Variants in MAP7 observed in about 807,000 individuals in gnomAD.
MAP7 encodes microtubule associated protein 7.
In MAP7, 52 loss-of-function variants were observed where a neutral mutation model predicts 94.8. The ratio of observed to expected loss-of-function variants is 0.55; its 90% CI spans 0.44 to 0.69. The LOEUF (loss-of-function observed/expected upper bound fraction) is 0.69. Among genes scored for constraint, MAP7 ranks in the 30% least tolerant of loss-of-function variants. The pLI is 0.00. For missense variants in MAP7, 940 were observed against 964.6 expected (o/e 0.97, Z 0.34); for synonymous variants, 350 against 357.0 (o/e 0.98, Z 0.22).
intron 1 of MAP7, among the ~76,000 whole-genome samples, chr6:136,430,113 G>A (rs930860776): frequency 6.6e-6 from 1 of 152,200 alleles, no homozygotes; most frequent in Non-Finnish European, 1.5e-5. Context: ...GCTGGAAACG[G>A]AGTTTATCAA....
intron 1 of MAP7, among the ~76,000 whole-genome samples, chr6:136,449,205 G>A (rs191450971): frequency 6.6e-6 from 1 of 152,280 alleles, no homozygotes; most frequent in East Asian, 1.9e-4. Flanking sequence ...TGAGGCAGGA[G>A]AATGGCGTGA....
At chr6:136,513,587 C>G (rs1394863839) in intron 1 of MAP7, among the ~76,000 whole-genome samples, 1 of 152,212 alleles carries the variant, frequency 6.6e-6, no homozygotes. Context: ...TTGGGGTCAA[C>G]TGCTTACAAA....
chr6:136,498,644 G>A (rs1368011583), intron 1 of MAP7, among the ~76,000 whole-genome samples: 1 of 151,956 alleles, frequency 6.6e-6, no homozygotes, highest in African/African-American at 2.4e-5. Flanking sequence ...CATCACCTAA[G>A]AGTTTGGAAA....
chr6:136,377,936 G>A (rs1776707254), intron 6 of MAP7, 68 bp from the exon 7 acceptor site: 5 of 1,138,142 alleles, frequency 4.4e-6, no homozygotes, highest in South Asian at 3.8e-5. Flanking sequence ...ATAATACATC[G>A]TACCTATTGC....
At chr6:136,453,106 A>C (rs1302869787) in intron 1 of MAP7, among the ~76,000 whole-genome samples, 11 of 152,206 alleles carry the variant, frequency 7.2e-5, no homozygotes, top group African/African-American at 2.7e-4. Flanking sequence ...TATGTTAATA[A>C]ACTTCTGTTA....
intron 1 of MAP7, among the ~76,000 whole-genome samples, chr6:136,490,931 C>T (rs1816395987): frequency 6.6e-6 from 1 of 152,182 alleles, no homozygotes; most frequent in South Asian, 2.1e-4. Flanking sequence ...AAATCCCTTT[C>T]CCTTCTCCCC....
chr6:136,349,946 G>A (rs2128523393), intron 16 of MAP7, among the ~76,000 whole-genome samples: 1 of 152,286 alleles, frequency 6.6e-6, no homozygotes, highest in African/African-American at 2.4e-5. Context: ...CTCCTGGGGT[G>A]CTGCTAGACA....
At chr6:136,417,530 G>A (rs1373320092) in intron 2 of MAP7, among the ~76,000 whole-genome samples, 2 of 152,274 alleles carry the variant, frequency 1.3e-5, no homozygotes, top group African/African-American at 4.8e-5. Context: ...TCAGCAATTT[G>A]TACTTTATGA....
At chr6:136,347,978 TCCA>T (rs1247408258) in intron 16 of MAP7, among the ~76,000 whole-genome samples, 1 of 150,746 alleles carries the variant, frequency 6.6e-6, no homozygotes, top group African/African-American at 2.4e-5. Flanking sequence ...ATTATAAGTC[TCCA>T]CAAGAGTACA....
rs1465266004 is a variant in MAP7, at chr6:136,505,277, G to GTGTATATA, written c.67+45064_67+45065insTATATACA. Among the ~76,000 whole-genome samples, 70 of 53,814 alleles carry GTGTATATA rather than the reference G, an allele frequency of 1.3e-3. 1 individual carries two copies. Among genetic ancestry groups the GTGTATATA allele is most frequent in the African/African-American group, 4.3e-3 (54 of 12,426 alleles). The allele number at this position is 53,814 out of a possible 152,430, so 35.3% of individuals were successfully genotyped here. A position where few individuals can be genotyped will look rare whatever the true frequency, so the allele number is the denominator to read the frequency against. Reference sequence around the variant, plus strand: ...TGTGTGTGTGTGTGTGTGTGTGTGTGTATATATATATATATATATATATAT... The same window carrying GTGTATATA: ...TGTGTGTGTGTGTGTGTGTGTGTGTGTGTATATATATATATATATATATATATATATAT... On this transcript the variant is annotated intron_variant, in intron 1 of 17. Coordinates refer to ENST00000354570, the MANE Select transcript of MAP7 (RefSeq NM_003980.6).
At chr6:136,437,046 C>T (rs1796559180) in intron 1 of MAP7, among the ~76,000 whole-genome samples, 1 of 152,216 alleles carries the variant, frequency 6.6e-6, no homozygotes, top group Admixed American at 6.5e-5. Context: ...CCCCTGTGGG[C>T]ATCATCGGCC....
At chr6:136,434,514 T>C (rs1404742148) in intron 1 of MAP7, among the ~76,000 whole-genome samples, 1 of 151,898 alleles carries the variant, frequency 6.6e-6, no homozygotes, top group Non-Finnish European at 1.5e-5. Context: ...CACAAAGCAT[T>C]CCTCTGACTC....
At chr6:136,359,590 A>C (rs112279291) in intron 15 of MAP7, among the ~76,000 whole-genome samples, 2,182 of 152,306 alleles carry the variant, frequency 0.014, 65 homozygotes, top group African/African-American at 0.05. Context: ...GATGATTTAA[A>C]ATATCAAGCA....
At chr6:136,433,669 C>T (rs1795579937) in intron 1 of MAP7, among the ~76,000 whole-genome samples, 1 of 152,210 alleles carries the variant, frequency 6.6e-6, no homozygotes, top group Admixed American at 6.5e-5. Context: ...TCCTACCCTT[C>T]TTAGTTTTGC....
chr6:136,490,606 T>C (rs1816268942), intron 1 of MAP7, among the ~76,000 whole-genome samples: 1 of 152,342 alleles, frequency 6.6e-6, no homozygotes, highest in Non-Finnish European at 1.5e-5. Context: ...ATTTTACTTC[T>C]CTAGTAGCAA....
Position 136,456,695 on chromosome 6 carries a change from AAAGAAG to A in MAP7, c.68-34902_68-34897del, listed in dbSNP as rs869030431. On this transcript the variant is annotated intron_variant, in intron 1 of 17. Transcript: ENST00000354570. Reference sequence around the variant, plus strand: ...TCAAAAAGAAGAAAGAAGAAAGAAGAAAGAAGAAGAAAGAAGAGGAGAAGAAAGAAG... The same window carrying A: ...TCAAAAAGAAGAAAGAAGAAAGAAGAAAGAAAGAAGAGGAGAAGAAAGAAG... Among the ~76,000 whole-genome samples, 387 of 139,176 alleles carry A rather than the reference AAAGAAG, an allele frequency of 2.8e-3. 3 individuals carry two copies. The highest frequency in any genetic ancestry group is 9.5e-3 in the African/African-American group (357 of 37,616). 91.3% of individuals were successfully genotyped at this position (139,176 alleles called of 152,430 possible).
intron 1 of MAP7, among the ~76,000 whole-genome samples, chr6:136,535,177 G>A (rs892697383): frequency 4.6e-5 from 7 of 152,104 alleles, no homozygotes; most frequent in East Asian, 1.9e-4. Flanking sequence ...CTCCTTCCCC[G>A]TGGTGATAAG....
chr6:136,368,193 G>A (rs959347408), intron 8 of MAP7, among the ~76,000 whole-genome samples: 1 of 151,928 alleles, frequency 6.6e-6, no homozygotes, highest in South Asian at 2.1e-4. Context: ...CTCCCAACCA[G>A]GGAGTTTTTT....
At chr6:136,432,687 T>G (rs1795290271) in intron 1 of MAP7, among the ~76,000 whole-genome samples, 1 of 152,188 alleles carries the variant, frequency 6.6e-6, no homozygotes, top group Non-Finnish European at 1.5e-5. Context: ...TTACCTTCTC[T>G]CTCAACTGTT....
Sources: allele counts gnomAD v4.1 joint callset (sites outside exome capture counted in the v4.1 genomes callset), GRCh38; gene constraint gnomAD v4.1.1; transcripts MANE v1.5; gene names NCBI Gene and HGNC (gene_info 2026-07-23, HGNC 2026-07-21).